Variants in RSPH10B2 observed in about 807,000 individuals in gnomAD.
The protein encoded by RSPH10B2 is radial spoke head 10 homolog B2 (Chlamydomonas).
RSPH10B2 carries 9 observed loss-of-function variants against 49.0 expected under a neutral mutation model. The observed-to-expected ratio is 0.18, with a 90% CI of 0.11 to 0.32. The LOEUF (loss-of-function observed/expected upper bound fraction) is 0.32, where lower values mean the gene tolerates loss of function less well. RSPH10B2 is among the 10% of genes least tolerant of loss of function. The pLI, the probability that RSPH10B2 is intolerant of heterozygous loss-of-function variation, is 1.00. For synonymous variants in RSPH10B2, 35 were observed against 210.2 expected, an observed-to-expected ratio of 0.17 and a Z score of 7.21; for missense variants, 95 against 589.9, an observed-to-expected ratio of 0.16 and a Z score of 8.69.
At chr7:6,791,189 G>A (rs1362182030) in intron 16 of RSPH10B2, among the ~76,000 whole-genome samples, 8 of 122,786 alleles carry the variant, frequency 6.5e-5, no homozygotes, top group Middle Eastern at 4.0e-3. Context: ...TGTTAGTAGA[G>A]ATGGGGTTTC....
chr7:6,770,122 G>GT (rs1210721976), intron 7 of RSPH10B2, among the ~76,000 whole-genome samples: 2 of 5,954 alleles, frequency 3.4e-4, no homozygotes, highest in East Asian at 9.6e-4. Context: ...TCACCCTTGT[G>GT]TTTTTTCCTC....
intron 9 of RSPH10B2, among the ~76,000 whole-genome samples, chr7:6,774,745 CTTTTTTTTTGTTTT>C (rs1178265808): frequency 0.014 from 1,262 of 91,446 alleles, 1 homozygote; most frequent in African/African-American, 0.046. Context: ...GCTATATTAT[CTTTTTTTTTGTTTT>C]TTTTTTTTTC....
In RSPH10B2 at chr7:6,768,712, T is replaced by C. The variant is rs201789765; in HGVS notation, c.903T>C (p.Tyr301=). The change falls in exon 7 of 19, where the codon TAT becomes TAC. Residue 301 remains tyrosine (Y), a synonymous_variant. Transcript: ENST00000297186. ...GTCACGGACGTGGCAAGTTTTATTATGCCAGTGGAGCCATGTATGATGGAG... is the reference window on the plus strand; with the variant it reads ...GTCACGGACGTGGCAAGTTTTATTACGCCAGTGGAGCCATGTATGATGGAG... 8 of 333,636 alleles carry C rather than the reference T, an allele frequency of 2.4e-5. No individual in the cohort carries two copies. The African/African-American group carries it at 3.3e-4, about 14-fold the overall frequency. 20.7% of individuals were successfully genotyped at this position (333,636 alleles called of 1,614,324 possible). A position where few individuals can be genotyped will look rare whatever the true frequency, so the allele number is the denominator to read the frequency against.
At chr7:6,764,168 G>T in intron 4 of RSPH10B2, 67 bp downstream of exon 6, 2 of 297,522 alleles carry the variant, frequency 6.7e-6, no homozygotes, top group Non-Finnish European at 1.3e-5. Context: ...ACATGGGGGG[G>T]GCAGCCATGA....
intron 16 of RSPH10B2, among the ~76,000 whole-genome samples, chr7:6,791,559 T>C (rs1583531903): frequency 1.4e-5 from 2 of 142,188 alleles, no homozygotes; most frequent in Admixed American, 7.2e-5. Flanking sequence ...GCCTGGCCAA[T>C]ATGGTGAAAC....
At chr7:6,797,052 A>G (rs190680637) in intron 18 of RSPH10B2, 6,514 of 347,802 alleles carry the variant, frequency 0.019, 629 homozygotes, top group Non-Finnish European at 0.022. Context: ...ACTGTCACCC[A>G]GGCTAGAGTG....
At chr7:6,767,921 G>A (rs1781506576) in intron 6 of RSPH10B2, among the ~76,000 whole-genome samples, 1 of 121,792 alleles carries the variant, frequency 8.2e-6, no homozygotes, top group Non-Finnish European at 1.7e-5. Context: ...AATTTAGGCT[G>A]GGCTCAGTGG....
intron 17 of RSPH10B2, among the ~76,000 whole-genome samples, chr7:6,792,634 A>G (rs4724840): frequency 0.095 from 7,151 of 75,658 alleles, 98 homozygotes; most frequent in African/African-American, 0.14. Context: ...TTCCAACCTC[A>G]TGCCTCTGCT....
At chr7:6,797,573 C>CA (rs1459834280) in intron 18 of RSPH10B2, among the ~76,000 whole-genome samples, 3 of 152,266 alleles carry the variant, frequency 2.0e-5, no homozygotes, top group Non-Finnish European at 4.4e-5. Flanking sequence ...ATAAAGTCCC[C>CA]AAATGGGCTG....
intron 15 of RSPH10B2, among the ~76,000 whole-genome samples, chr7:6,787,673 C>CTT (rs1292117607): frequency 8.0e-5 from 2 of 25,120 alleles, no homozygotes; most frequent in African/African-American, 2.7e-4. Flanking sequence ...CCAGCTAATT[C>CTT]TTTTTTTTTT....
At chr7:6,752,763 A>G, upstream of RSPH10B2, among the ~76,000 whole-genome samples, 1 of 75,232 alleles carries the variant, frequency 1.3e-5, no homozygotes, top group Non-Finnish European at 2.6e-5. Flanking sequence ...TTTTTCTTTG[A>G]GATGAAGTTT....
intron 16 of RSPH10B2, among the ~76,000 whole-genome samples, chr7:6,791,558 A>G: frequency 7.0e-6 from 1 of 142,786 alleles, no homozygotes; most frequent in African/African-American, 2.6e-5. Flanking sequence ...AGCCTGGCCA[A>G]TATGGTGAAA....
chr7:6,770,616 A>G (rs538928491), intron 7 of RSPH10B2, among the ~76,000 whole-genome samples: 5 of 132,822 alleles, frequency 3.8e-5, no homozygotes, highest in Non-Finnish European at 6.7e-5. Flanking sequence ...CTCAAAAAAA[A>G]AAAAAATTGT....
chr7:6,793,936 G>A (rs1245306707), intron 17 of RSPH10B2, among the ~76,000 whole-genome samples: 3 of 152,212 alleles, frequency 2.0e-5, no homozygotes, highest in Admixed American at 2.0e-4. Context: ...AGGCATCTTG[G>A]GGGGCTGTGT....
exon 13 of RSPH10B2, chr7:6,781,339 C>T (rs202078617): frequency 0.058 from 72,551 of 1,244,254 alleles, 19,003 homozygotes; most frequent in South Asian, 0.13. Flanking sequence ...CAATTTATTC[C>T]GTGAGCAACA....
chr7:6,780,926 AT>A (rs769668362), intron 12 of RSPH10B2, 38 bp downstream of exon 14: 100 of 1,358,608 alleles, frequency 7.4e-5, no homozygotes, highest in East Asian at 2.4e-4. Context: ...TTACCGCCCC[AT>A]TTTTTTTTCT....
chr7:6,784,462 G>C (rs1344615672), intron 13 of RSPH10B2, among the ~76,000 whole-genome samples: 1 of 29,576 alleles, frequency 3.4e-5, no homozygotes, highest in Non-Finnish European at 5.4e-5. Flanking sequence ...GTTTCTCCAT[G>C]TTGGCCAGGG....
intron 13 of RSPH10B2, among the ~76,000 whole-genome samples, chr7:6,783,299 G>T (rs1410189002): frequency 8.6e-6 from 1 of 116,282 alleles, no homozygotes; most frequent in African/African-American, 3.7e-5. Flanking sequence ...CAAAGTGCTG[G>T]GATTACAGGC....
intron 4 of RSPH10B2, among the ~76,000 whole-genome samples, chr7:6,764,663 G>A (rs1408862667): frequency 8.6e-5 from 13 of 151,906 alleles, no homozygotes; most frequent in South Asian, 2.1e-4. Flanking sequence ...GTGCCTGGCC[G>A]TATGCATGCT....
Sources: gnomAD v4.1 joint callset for allele counts (sites outside exome capture counted in the v4.1 genomes callset) on GRCh38, gnomAD v4.1.1 for gene constraint, MANE v1.5 for transcripts, NCBI Gene and HGNC (gene_info 2026-07-23, HGNC 2026-07-21) for gene names.